BRD7: variants seen among roughly 807,000 people sequenced by gnomAD.
BRD7 encodes bromodomain containing 7, also known as bromodomain-containing protein 7.
A neutral mutation model predicts 82.1 loss-of-function variants in BRD7; 15 were observed. The ratio of observed to expected loss-of-function variants is 0.18; its 90% CI spans 0.12 to 0.28. BRD7 has a LOEUF of 0.28. BRD7 is among the 10% of genes least tolerant of loss of function. BRD7 has a pLI of 1.00. For synonymous variants in BRD7, 232 were observed against 266.9 expected (o/e 0.87, Z 1.27); for missense variants, 638 against 779.9 (o/e 0.82, Z 2.17).
intron 2 of BRD7, among the ~76,000 whole-genome samples, chr16:50,356,046 T>C (rs992078606): frequency 8.5e-5 from 13 of 152,242 alleles, no homozygotes; most frequent in African/African-American, 2.2e-4. Flanking sequence ...ATGTGAAATG[T>C]TGAGAACATG....
chr16:50,355,960 TA>T (rs2038714426), intron 2 of BRD7, among the ~76,000 whole-genome samples: 1 of 152,174 alleles, frequency 6.6e-6, no homozygotes, highest in Non-Finnish European at 1.5e-5. Context: ...AGAGCATCTA[TA>T]AATCTATGCA....
rs141411979 is a variant in BRD7, at chr16:50,344,783, A to G, written c.592-4697T>C. The stretch of plus-strand genomic sequence containing the variant: ...TGGACTATGTGAAAAGGCCAAATCT[A>G]CATCTGATTGGTGTACCTGAAAGTG... On this transcript the variant is annotated intron_variant, in intron 5 of 16. Transcript: ENST00000394688. Among the ~76,000 whole-genome samples the G allele has an allele frequency of 1.8e-4, 28 of 152,364 alleles. No homozygotes were observed. The East Asian group carries it at 5.2e-3, about 28-fold the overall frequency.
chr16:50,341,177 TACACACACACACACACAC>T lies in BRD7; in HGVS notation c.592-1109_592-1092del, dbSNP rs57755008. 7.4e-3 allele frequency among the ~76,000 whole-genome samples: 1,010 copies of T among 137,302 alleles called. 2 individuals carry two copies. Among genetic ancestry groups the T allele is most frequent in the Non-Finnish European group, 9.2e-3 (572 of 62,448 alleles). 90.1% of individuals were successfully genotyped at this position (137,302 alleles called of 152,430 possible). ...GAAAGCTATGGGACCAGACCTTAAG[TACACACACACACACACAC>T]ACACACACACACACACACACACACA... On this transcript the variant is annotated intron_variant, in intron 5 of 16. Transcript: ENST00000394688.
rs79396113 is a variant in BRD7 at position 50,320,132 on chromosome 16, A to C, written c.1757-102T>G. ...ACACATGCAAAGAAAACAAAACAAA[A>C]AAACTGTCCCTGGGATTCACATCAG... On this transcript the variant is annotated intron_variant, in intron 15 of 16. Transcript: ENST00000394688. The C allele has an allele frequency of 8.4e-6, 4 of 474,620 alleles. No homozygotes were observed. In the South Asian group the frequency reaches 1.3e-4, roughly 15 times the overall value. The allele number at this position is 474,620 out of a possible 1,614,324, so 29.4% of individuals were successfully genotyped here. A position where few individuals can be genotyped will look rare whatever the true frequency, so the allele number is the denominator to read the frequency against.
chr16:50,364,864 A>G (rs1055739021), intron 2 of BRD7, among the ~76,000 whole-genome samples: 2 of 152,242 alleles, frequency 1.3e-5, no homozygotes, highest in Non-Finnish European at 2.9e-5. Flanking sequence ...TTAATGTATC[A>G]ATGGGATTAT....
intron 12 of BRD7, among the ~76,000 whole-genome samples, chr16:50,322,337 T>C (rs755815203): frequency 4.6e-5 from 7 of 152,230 alleles, no homozygotes; most frequent in Non-Finnish European, 1.0e-4. Context: ...TATCTGTTTT[T>C]ATCAGAAAAA....
At chr16:50,356,387 C>T (rs1471029042) in intron 2 of BRD7, among the ~76,000 whole-genome samples, 1 of 152,046 alleles carries the variant, frequency 6.6e-6, no homozygotes, top group African/African-American at 2.4e-5. Context: ...AGGAATAATC[C>T]AATGCCTATT....
chr16:50,359,188 T>C (rs181826255), intron 2 of BRD7, among the ~76,000 whole-genome samples: 24 of 152,354 alleles, frequency 1.6e-4, no homozygotes, highest in Admixed American at 1.4e-3. Context: ...CATTTAACTT[T>C]AGGTAGTTAA....
rs930389055 is a variant in BRD7 at position 50,319,411 on chromosome 16, C to G, written c.1901-145G>C. 3.3e-5 allele frequency: 22 copies of G among 662,444 alleles called. No individual in the cohort carries two copies. The African/African-American group carries it at 3.5e-4, about 11-fold the overall frequency. The allele number at this position is 662,444 out of a possible 1,614,324, so 41.0% of individuals were successfully genotyped here. A position where few individuals can be genotyped will look rare whatever the true frequency, so the allele number is the denominator to read the frequency against. On this transcript the variant is annotated intron_variant, in intron 16 of 16. Coordinates refer to ENST00000394688, the MANE Select transcript of BRD7 (RefSeq NM_013263.5). ...CAAGGCTGAAGACTACGCGCATTATCAGGTGATCATTGTGGCTCTTCTGCA... is the reference window on the plus strand; with the variant it reads ...CAAGGCTGAAGACTACGCGCATTATGAGGTGATCATTGTGGCTCTTCTGCA...
chr16:50,348,956 C>T (rs1414490380), intron 5 of BRD7: 2 of 152,242 alleles, frequency 1.3e-5, no homozygotes, highest in Non-Finnish European at 2.9e-5. Flanking sequence ...CACATGCGCA[C>T]GTATGTTTAT....
intron 10 of BRD7, 83 bp downstream of exon 10, chr16:50,326,201 G>T: frequency 1.8e-6 from 2 of 1,106,856 alleles, no homozygotes; most frequent in Non-Finnish European, 2.7e-6. Context: ...TGCCCACCTA[G>T]TGAATAAAGC....
chr16:50,362,851 A>G (rs1314280661), intron 2 of BRD7, among the ~76,000 whole-genome samples: 1 of 152,236 alleles, frequency 6.6e-6, no homozygotes, highest in Non-Finnish European at 1.5e-5. Context: ...TTGCACAAAA[A>G]TGTAAATACA....
At chr16:50,322,755 T>C (rs547211718) in intron 12 of BRD7, among the ~76,000 whole-genome samples, 30 of 152,358 alleles carry the variant, frequency 2.0e-4, no homozygotes, top group Non-Finnish European at 3.8e-4. Context: ...TATTAATTCA[T>C]TCAGATTAAT....
intron 7 of BRD7, among the ~76,000 whole-genome samples, chr16:50,334,349 C>T (rs2037701227): frequency 6.6e-6 from 1 of 152,226 alleles, no homozygotes; most frequent in South Asian, 2.1e-4. Flanking sequence ...CCTGTGCTCC[C>T]ACTGAACTCC....
intron 5 of BRD7, among the ~76,000 whole-genome samples, chr16:50,346,828 G>T (rs62029968): frequency 0.2 from 29,845 of 152,112 alleles, 3,440 homozygotes; most frequent in Middle Eastern, 0.34. Context: ...TTCTACCAGA[G>T]GTACAAAGAG....
At chr16:50,355,038 A>G (rs776641277) in intron 2 of BRD7, 116 bp from the exon 3 acceptor site, 19 of 1,279,786 alleles carry the variant, frequency 1.5e-5, no homozygotes, top group Non-Finnish European at 2.0e-5. Flanking sequence ...CTTAATAACA[A>G]GCTCAATGTA....
intron 6 of BRD7, among the ~76,000 whole-genome samples, chr16:50,335,702 C>G (rs1203935981): frequency 6.6e-6 from 1 of 152,156 alleles, no homozygotes; most frequent in Non-Finnish European, 1.5e-5. Flanking sequence ...CTAGAAAGAA[C>G]CAGAGGCCAT....
rs911453298 is a variant in BRD7, at chr16:50,333,784, C to G, written c.888-87G>C. 11 of 1,153,274 alleles carry G rather than the reference C, an allele frequency of 9.5e-6. No individual in the cohort carries two copies. In the African/African-American group the frequency reaches 1.7e-4, roughly 18 times the overall value. 71.4% of individuals were successfully genotyped at this position (1,153,274 alleles called of 1,614,324 possible). The stretch of plus-strand genomic sequence containing the variant: ...AAATGAATTCTAAATATGAATACAA[C>G]TAAAGTGGAGACATTTGTACTACAG... On this transcript the variant is annotated intron_variant, in intron 7 of 16. Coordinates refer to ENST00000394688, the MANE Select transcript of BRD7 (RefSeq NM_013263.5).
chr16:50,324,967 A>G (rs998896350), intron 11 of BRD7, among the ~76,000 whole-genome samples: 1 of 152,256 alleles, frequency 6.6e-6, no homozygotes, highest in Non-Finnish European at 1.5e-5. Context: ...AACAACAACA[A>G]CCAAACCACA....
Sources: allele counts gnomAD v4.1 joint callset (sites outside exome capture counted in the v4.1 genomes callset), GRCh38; gene constraint gnomAD v4.1.1; transcripts MANE v1.5; gene names NCBI Gene and HGNC (gene_info 2026-07-23, HGNC 2026-07-21).